NECAB1: variants seen among roughly 807,000 people sequenced by gnomAD.
The protein encoded by NECAB1 is N-terminal EF-hand calcium binding protein 1, also known as N-terminal EF-hand calcium-binding protein 1.
NECAB1 carries 29 observed loss-of-function variants against 57.5 expected under a neutral mutation model. That is an observed-to-expected ratio of 0.50 (90% CI 0.38 to 0.69). NECAB1 has a LOEUF of 0.69. NECAB1 is among the 30% of genes least tolerant of loss of function. The pLI is 0.00. For missense variants in NECAB1, 372 were observed against 413.8 expected, an observed-to-expected ratio of 0.90 and a Z score of 0.88; for synonymous variants, 142 against 147.7, an observed-to-expected ratio of 0.96 and a Z score of 0.28.
At chr8:90,933,363 TG>T (rs1486537160) in intron 8 of NECAB1, among the ~76,000 whole-genome samples, 1 of 152,146 alleles carries the variant, frequency 6.6e-6, no homozygotes, top group Non-Finnish European at 1.5e-5. Context: ...AAAGAAATTA[TG>T]GTGTGTATGT....
chr8:90,922,605 G>C (rs547448010), intron 6 of NECAB1, among the ~76,000 whole-genome samples: 1 of 145,796 alleles, frequency 6.9e-6, no homozygotes, highest in Non-Finnish European at 1.5e-5. Flanking sequence ...CAATTCTCCT[G>C]CGTCAGACTC....
At chr8:90,941,912 GCTTA>G (rs1810679466) in intron 10 of NECAB1, among the ~76,000 whole-genome samples, 1 of 152,128 alleles carries the variant, frequency 6.6e-6, no homozygotes, top group Admixed American at 6.6e-5. Flanking sequence ...TTATGAGCTT[GCTTA>G]AACTATATTT....
intron 11 of NECAB1, among the ~76,000 whole-genome samples, chr8:90,950,371 A>G (rs1810900535): frequency 6.6e-6 from 1 of 152,202 alleles, no homozygotes; most frequent in African/African-American, 2.4e-5. Context: ...GTGGAAATTC[A>G]AGACGTTGTC....
At chr8:90,887,619 G>T (rs1415981868) in intron 5 of NECAB1, among the ~76,000 whole-genome samples, 1 of 152,124 alleles carries the variant, frequency 6.6e-6, no homozygotes, top group Non-Finnish European at 1.5e-5. Flanking sequence ...AAACATCAGC[G>T]AGAAGGTGAG....
intron 5 of NECAB1, among the ~76,000 whole-genome samples, chr8:90,897,559 A>C (rs1364531449): frequency 6.6e-6 from 1 of 152,230 alleles, no homozygotes; most frequent in Non-Finnish European, 1.5e-5. Flanking sequence ...GGATGTTCTA[A>C]TTATTTTTTC....
intron 1 of NECAB1, among the ~76,000 whole-genome samples, chr8:90,795,168 T>C (rs1811639595): frequency 6.6e-6 from 1 of 152,262 alleles, no homozygotes; most frequent in African/African-American, 2.4e-5. Flanking sequence ...TTTGGAATAC[T>C]AGTCTATGTA....
chr8:90,890,604 T>C (rs1160952605), intron 5 of NECAB1, among the ~76,000 whole-genome samples: 1 of 152,126 alleles, frequency 6.6e-6, no homozygotes. Flanking sequence ...AAAACACATA[T>C]AACAAGATGA....
intron 3 of NECAB1, among the ~76,000 whole-genome samples, chr8:90,844,913 AAGAG>A (rs1480522439): frequency 1.3e-5 from 2 of 152,190 alleles, no homozygotes; most frequent in Non-Finnish European, 2.9e-5. Context: ...TATCTATAAG[AAGAG>A]AGATTTATTG....
rs542018800 is a variant in NECAB1 at position 90,938,875 on chromosome 8, G to C, written c.748-1911G>C. Among the ~76,000 whole-genome samples the C allele has an allele frequency of 1.1e-4, 16 of 152,292 alleles. No individual in the cohort carries two copies. The South Asian group carries it at 1.5e-3, about 14-fold the overall frequency. ...ACAATTTTGCAGGTAGGCAATTTAG[G>C]CTGGGATCAACTGGCTGGTTCTTAT... On this transcript the variant is annotated intron_variant, in intron 9 of 12. Transcript: ENST00000417640.
intron 3 of NECAB1, among the ~76,000 whole-genome samples, chr8:90,839,125 A>T (rs1563501191): frequency 1.3e-5 from 2 of 152,236 alleles, no homozygotes; most frequent in African/African-American, 4.8e-5. Flanking sequence ...CTTAACTTCT[A>T]AATCAAATAA....
intron 2 of NECAB1, chr8:90,812,766 C>A (rs972243461): frequency 5.3e-5 from 8 of 152,068 alleles, no homozygotes; most frequent in African/African-American, 1.4e-4. Context: ...AATCATTTAA[C>A]CTTGTCATAT....
chr8:90,882,705 T>A (rs1214443363), intron 5 of NECAB1, among the ~76,000 whole-genome samples: 1 of 152,192 alleles, frequency 6.6e-6, no homozygotes, highest in Non-Finnish European at 1.5e-5. Context: ...TTGCTGGCAA[T>A]TTATCATAAT....
chr8:90,802,392 C>A (rs978338380), intron 2 of NECAB1, among the ~76,000 whole-genome samples: 7 of 152,220 alleles, frequency 4.6e-5, no homozygotes, highest in Non-Finnish European at 5.9e-5. Context: ...TCTTTCGACT[C>A]TATTATTCCA....
intron 1 of NECAB1, among the ~76,000 whole-genome samples, chr8:90,800,473 C>T (rs1035528153): frequency 5.3e-5 from 8 of 152,026 alleles, no homozygotes; most frequent in African/African-American, 1.9e-4. Flanking sequence ...ATAGATGGCT[C>T]TTATTATTTT....
In NECAB1 at chr8:90,958,955, G is replaced by C. The variant is rs1811082997; in HGVS notation, c.*3443G>C. 2 of 1,152,736 alleles carry C rather than the reference G, an allele frequency of 1.7e-6. No individual in the cohort carries two copies. The highest frequency in any genetic ancestry group is 1.6e-5 in the African/African-American group (1 of 63,150). 71.4% of individuals were successfully genotyped at this position (1,152,736 alleles called of 1,614,324 possible). ...CAGTCCATTACAGTTATTGTTGCTA[G>C]ATCCACCTCATTTGCAGATGTCCAA... is the stretch of plus-strand genomic sequence containing the variant. On this transcript the variant is annotated 3_prime_UTR_variant, in exon 13 of 13. Coordinates refer to ENST00000417640, the MANE Select transcript of NECAB1 (RefSeq NM_022351.5).
chr8:90,798,266 A>T (rs999220171), intron 1 of NECAB1, among the ~76,000 whole-genome samples: 1 of 152,240 alleles, frequency 6.6e-6, no homozygotes, highest in Admixed American at 6.5e-5. Context: ...ATGGGATTAC[A>T]TCAGCAAACC....
chr8:90,802,456 T>C (rs1811774149), intron 2 of NECAB1, among the ~76,000 whole-genome samples: 1 of 152,212 alleles, frequency 6.6e-6, no homozygotes, highest in Non-Finnish European at 1.5e-5. Flanking sequence ...GTTTTTGTTT[T>C]GTTTTGTTTT....
At chr8:90,924,189 C>A (rs767461086) in intron 6 of NECAB1, among the ~76,000 whole-genome samples, 2 of 152,064 alleles carry the variant, frequency 1.3e-5, no homozygotes, top group Non-Finnish European at 2.9e-5. Context: ...CACAATGGAG[C>A]AAATTTTTCA....
chr8:90,896,361 T>C (rs1228656536), intron 5 of NECAB1, among the ~76,000 whole-genome samples: 1 of 152,122 alleles, frequency 6.6e-6, no homozygotes, highest in Non-Finnish European at 1.5e-5. Context: ...TCCCAGCACT[T>C]TGGGAGGCCG....
Sources: allele counts gnomAD v4.1 joint callset (sites outside exome capture counted in the v4.1 genomes callset), GRCh38; gene constraint gnomAD v4.1.1; transcripts MANE v1.5; gene names NCBI Gene and HGNC (gene_info 2026-07-23, HGNC 2026-07-21).